Variants in CLK1 observed in about 807,000 individuals in gnomAD.
CLK1 encodes dual specificity protein kinase CLK1.
In CLK1, 40 loss-of-function variants were observed where a neutral mutation model predicts 60.9. That is an observed-to-expected ratio of 0.66 (90% CI 0.51 to 0.86). The LOEUF (loss-of-function observed/expected upper bound fraction) is 0.86, where lower values mean the gene tolerates loss of function less well. Among genes scored for constraint, CLK1 ranks in the 40% least tolerant of loss-of-function variants. The probability of loss-of-function intolerance (pLI) is 0.00; values close to 1 mark genes in which losing one functional copy is unlikely to be tolerated. For synonymous variants in CLK1, 203 were observed against 184.4 expected, an observed-to-expected ratio of 1.10 and a Z score of -0.82; for missense variants, 563 against 606.1, an observed-to-expected ratio of 0.93 and a Z score of 0.75.
At chr2:200,859,501 T>C (rs1297034285) in intron 5 of CLK1, among the ~76,000 whole-genome samples, 179 bp downstream of exon 5, 1 of 152,202 alleles carries the variant, frequency 6.6e-6, no homozygotes, top group Non-Finnish European at 1.5e-5. Context: ...ATACATACTA[T>C]TAGTAGCTGT....
chr2:200,856,606 A>ACC, intron 9 of CLK1, 76 bp downstream of exon 9: 1 of 1,235,644 alleles, frequency 8.1e-7, no homozygotes, highest in Non-Finnish European at 1.1e-6. Flanking sequence ...CCCACAAGTA[A>ACC]GACCTAAAAC....
At chr2:200,859,391 TG>T (rs539326102) in intron 5 of CLK1, among the ~76,000 whole-genome samples, 2 of 151,694 alleles carry the variant, frequency 1.3e-5, no homozygotes, top group African/African-American at 2.4e-5. Flanking sequence ...ACTAATATGG[TG>T]GGGGAAAAAA....
intron 5 of CLK1, 50 bp downstream of exon 5, chr2:200,859,630 T>C (rs1330795839): frequency 1.4e-6 from 2 of 1,448,956 alleles, no homozygotes; most frequent in South Asian, 2.3e-5. Context: ...CTAAATCAAT[T>C]ACCTGTATTG....
intron 4 of CLK1, 126 bp downstream of exon 4, chr2:200,859,994 CAAAAG>C: frequency 6.9e-7 from 1 of 1,442,240 alleles, no homozygotes; most frequent in Admixed American, 2.8e-5. Flanking sequence ...TCCCCCCCAC[CAAAAG>C]AAATGGAAAA....
intron 1 of CLK1, chr2:200,864,094 C>T: frequency 6.5e-7 from 1 of 1,547,664 alleles, no homozygotes; most frequent in Non-Finnish European, 8.7e-7. Flanking sequence ...TCTCTTTCTC[C>T]ACTTACTCCA....
At chr2:200,855,141 A>C in intron 9 of CLK1, 55 bp from the exon 10 acceptor site, 1 of 1,374,748 alleles carries the variant, frequency 7.3e-7, no homozygotes, top group Non-Finnish European at 1.0e-6. Flanking sequence ...TGTTAAAGAA[A>C]TTAAAAAGTT....
chr2:200,857,648 T>G (rs1372817631), intron 7 of CLK1, 70 bp downstream of exon 7: 1 of 1,319,636 alleles, frequency 7.6e-7, no homozygotes, highest in Non-Finnish European at 1.0e-6. Context: ...TTGTACACAC[T>G]TAGGATGCAC....
At chr2:200,856,215 C>T (rs771570691) in intron 9 of CLK1, among the ~76,000 whole-genome samples, 17 of 151,762 alleles carry the variant, frequency 1.1e-4, no homozygotes, top group Non-Finnish European at 2.4e-4. Flanking sequence ...GAACTACTGA[C>T]GTGTACCACC....
rs773016261 is a variant in CLK1 at position 200,856,939 on chromosome 2, G to A, written c.879C>T (p.Asn293=). Residue 293 remains asparagine (N), a synonymous_variant, in exon 8 of 13, where the codon AAC becomes AAT. Transcript: ENST00000321356. ...TGTAGTCAGACTGCACAAATAAGATGTTTTCAGGCTTTAAGTCTGTGTGAG... is the reference window on the plus strand; with the variant it reads ...TGTAGTCAGACTGCACAAATAAGATATTTTCAGGCTTTAAGTCTGTGTGAG... ...KLTHTDLKPE[N]ILFVQSDYTE... 8.7e-6 allele frequency: 14 copies of A among 1,613,976 alleles called. No individual in the cohort carries two copies. The African/African-American group carries it at 1.9e-4, about 22-fold the overall frequency.
chr2:200,854,053 A>C, intron 11 of CLK1, 60 bp from the exon 12 acceptor site: 1 of 1,135,550 alleles, frequency 8.8e-7, no homozygotes, highest in Non-Finnish European at 1.3e-6. Context: ...ACAGCTAGCA[A>C]AGGTATCAAT....
At chr2:200,855,760 GCA>G (rs1254563786) in intron 9 of CLK1, among the ~76,000 whole-genome samples, 18 of 152,026 alleles carry the variant, frequency 1.2e-4, no homozygotes, top group Admixed American at 1.1e-3. Flanking sequence ...TGTAATCCCA[GCA>G]CTTTGCAAAG....
intron 1 of CLK1, 113 bp from the exon 2 acceptor site, chr2:200,861,975 T>A: frequency 2.6e-6 from 2 of 757,710 alleles, no homozygotes; most frequent in Non-Finnish European, 4.3e-6. Flanking sequence ...AATTCAAGAA[T>A]CATTATCACC....
intron 1 of CLK1, chr2:200,863,142 TC>T (rs1378734078): frequency 3.4e-5 from 5 of 147,194 alleles, no homozygotes; most frequent in Admixed American, 2.1e-4. Flanking sequence ...CCGCTACAAT[TC>T]TTTTTTTTTT....
chr2:200,860,793 G>C (rs2039125088), intron 3 of CLK1: 2 of 1,025,176 alleles, frequency 2.0e-6, no homozygotes, highest in Non-Finnish European at 2.3e-6. Context: ...AATCTGTTCT[G>C]GTTTGCTTAG....
chr2:200,854,599 TA>T lies in CLK1; in HGVS notation c.1220+16del. 1 of 1,479,034 alleles carries T rather than the reference TA, an allele frequency of 6.8e-7. No individual in the cohort carries two copies. Among genetic ancestry groups the T allele is most frequent in the Non-Finnish European group, 9.4e-7 (1 of 1,058,604 alleles). 91.6% of individuals were successfully genotyped at this position (1,479,034 alleles called of 1,614,324 possible). A position where few individuals can be genotyped will look rare whatever the true frequency, so the allele number is the denominator to read the frequency against. The stretch of plus-strand genomic sequence containing the variant: ...GATCAAATGATACTAAGGATGTCAC[TA>T]ACTCTTAAAACGTACCTGGTTTTCT... On this transcript the variant is annotated intron_variant, in intron 11 of 12. Coordinates refer to ENST00000321356, the MANE Select transcript of CLK1 (RefSeq NM_004071.4).
rs769621306 is a variant in CLK1 at position 200,861,289 on chromosome 2, A to G, written c.339T>C (p.Tyr113=). 16 of 1,614,188 alleles carry G rather than the reference A, an allele frequency of 9.9e-6. No individual in the cohort carries two copies. The highest frequency in any genetic ancestry group is 6.6e-5 in the South Asian group (6 of 91,076). The change falls in exon 3 of 13, where the codon TAT becomes TAC. Residue 113 remains tyrosine (Y), a synonymous_variant. Coordinates refer to ENST00000321356, the MANE Select transcript of CLK1 (RefSeq NM_004071.4). ...TGTGGTGAATCCTGTGTTTGCTTTT[A>G]TAACTACTTCTTCCACTTCTACCAG... is the stretch of plus-strand genomic sequence containing the variant. The part of the protein sequence containing the change: ...KSSGRSGRSS[Y]KSKHRIHHST...
chr2:200,853,391 A>G lies in CLK1; in HGVS notation c.1370T>C (p.Met457Thr). ...HERLFDLIQK[M>T]LEYDPAKRIT... ...TCTTTTGGCTGGATCATACTCCAACATTTTCTGAATGAGGTCAAAGAGACG... is the reference window on the plus strand; with the variant it reads ...TCTTTTGGCTGGATCATACTCCAACGTTTTCTGAATGAGGTCAAAGAGACG... Residue 457 changes from methionine (M) to threonine (T), a missense_variant, in exon 13 of 13, where the codon ATG becomes ACG. Coordinates refer to ENST00000321356, the MANE Select transcript of CLK1 (RefSeq NM_004071.4). 1.2e-6 allele frequency: 2 copies of G among 1,613,488 alleles called. No homozygotes were observed. Among genetic ancestry groups the G allele is most frequent in the Non-Finnish European group, 1.7e-6 (2 of 1,179,746 alleles).
At chr2:200,857,491 G>A (rs1033892254) in intron 7 of CLK1, 20 of 395,574 alleles carry the variant, frequency 5.1e-5, no homozygotes, top group Non-Finnish European at 8.1e-5. Context: ...CATCAGAAAA[G>A]TCTAAATCAT....
At chr2:200,862,243 T>C (rs1163365514) in intron 1 of CLK1, among the ~76,000 whole-genome samples, 1 of 152,134 alleles carries the variant, frequency 6.6e-6, no homozygotes, top group Non-Finnish European at 1.5e-5. Flanking sequence ...AGCTAAGCCA[T>C]CATATCCCCA....
Sources: allele counts gnomAD v4.1 joint callset (sites outside exome capture counted in the v4.1 genomes callset), GRCh38; gene constraint gnomAD v4.1.1; transcripts MANE v1.5; gene names NCBI Gene and HGNC (gene_info 2026-07-23, HGNC 2026-07-21).